DYNC2LI1: variants seen among roughly 807,000 people sequenced by gnomAD.
DYNC2LI1 encodes the protein cytoplasmic dynein 2 light intermediate chain 1.
Under a neutral mutation model 51.9 loss-of-function variants are expected in DYNC2LI1, and 45 were observed. The observed-to-expected ratio is 0.87, with a 90% CI of 0.68 to 1.11. DYNC2LI1 has a LOEUF of 1.11. Among genes scored for constraint, DYNC2LI1 ranks in the 50% most tolerant of loss-of-function variants. The probability of loss-of-function intolerance (pLI) is 0.00; values close to 1 mark genes in which losing one functional copy is unlikely to be tolerated. For synonymous variants in DYNC2LI1, 130 were observed against 137.8 expected (o/e 0.94, Z 0.40); for missense variants, 490 against 417.4 (o/e 1.17, Z -1.51).
intron 2 of DYNC2LI1, among the ~76,000 whole-genome samples, chr2:43,778,408 C>T (rs940596132): frequency 1.3e-5 from 2 of 152,152 alleles, no homozygotes; most frequent in African/African-American, 4.8e-5. Flanking sequence ...CCCATCTCAG[C>T]CTCCTAGAAT....
At position 43,801,627 on chromosome 2, in the gene DYNC2LI1, T is replaced by G. The variant is rs1181796561; in HGVS notation, c.732-12T>G. 3.1e-6 allele frequency: 5 copies of G among 1,600,432 alleles called. No homozygotes were observed. The highest frequency in any genetic ancestry group is 4.3e-6 in the Non-Finnish European group (5 of 1,171,886). ...GCTAAACTAATTTAGAATCTTTCTC[T>G]TCTCCACGTAGCAAATCAATATGTG... On this transcript the variant is annotated splice_polypyrimidine_tract_variant and intron_variant, in intron 9 of 12. Transcript: ENST00000260605.
chr2:43,811,946 A>G (rs1475765769), downstream of DYNC2LI1, among the ~76,000 whole-genome samples: 3 of 152,232 alleles, frequency 2.0e-5, no homozygotes, highest in Admixed American at 2.0e-4. Flanking sequence ...AAAATATGTA[A>G]TACAGGTGTC....
chr2:43,792,969 A>C, intron 5 of DYNC2LI1: 1 of 579,620 alleles, frequency 1.7e-6, no homozygotes, highest in Non-Finnish European at 2.7e-6. Flanking sequence ...ACATTGGTGT[A>C]CATTATCTGT....
intron 3 of DYNC2LI1, among the ~76,000 whole-genome samples, 196 bp from the exon 4 acceptor site, chr2:43,786,985 T>C (rs1673552652): frequency 6.6e-6 from 1 of 152,234 alleles, no homozygotes; most frequent in South Asian, 2.1e-4. Flanking sequence ...CACATGCATG[T>C]GCTGTTAAAA....
chr2:43,794,902 A>G, intron 6 of DYNC2LI1: 2 of 1,379,224 alleles, frequency 1.5e-6, no homozygotes, highest in East Asian at 2.6e-5. Context: ...ATAGAGTTTT[A>G]AAGTAGTGGT....
the DYNC2LI1 span, among the ~76,000 whole-genome samples, chr2:43,815,060 C>T: frequency 6.6e-6 from 1 of 152,190 alleles, no homozygotes; most frequent in African/African-American, 2.4e-5. Flanking sequence ...CAAGAAAATA[C>T]AGACCTAACA....
At chr2:43,813,657 C>T (rs1666606295), downstream of DYNC2LI1, among the ~76,000 whole-genome samples, 1 of 134,844 alleles carries the variant, frequency 7.4e-6, no homozygotes, top group African/African-American at 2.8e-5. Flanking sequence ...TGGAGTGGCC[C>T]TGAGATTTTT....
intron 5 of DYNC2LI1, among the ~76,000 whole-genome samples, chr2:43,790,100 G>C (rs1438253173): frequency 6.6e-6 from 1 of 152,166 alleles, no homozygotes; most frequent in African/African-American, 2.4e-5. Flanking sequence ...TTCTTCAGCT[G>C]AGTATTATAA....
the DYNC2LI1 span, among the ~76,000 whole-genome samples, chr2:43,816,018 G>T: frequency 6.6e-6 from 1 of 152,114 alleles, no homozygotes; most frequent in Non-Finnish European, 1.5e-5. Context: ...AGTGGCTAGG[G>T]TGCTATCTTT....
chr2:43,813,945 T>G (rs554417075), downstream of DYNC2LI1, among the ~76,000 whole-genome samples: 164 of 152,038 alleles, frequency 1.1e-3, no homozygotes, highest in African/African-American at 3.6e-3. Context: ...TCTCGAACTC[T>G]TGACCTCAAG....
the DYNC2LI1 span, among the ~76,000 whole-genome samples, chr2:43,815,910 G>GAAAAA: frequency 1.9e-5 from 2 of 104,070 alleles, no homozygotes; most frequent in East Asian, 3.5e-4. Flanking sequence ...AACAGGAAAA[G>GAAAAA]AAAAAAAAAA....
At chr2:43,813,724 T>G (rs1666632499), downstream of DYNC2LI1, among the ~76,000 whole-genome samples, 3 of 132,964 alleles carry the variant, frequency 2.3e-5, no homozygotes, top group Non-Finnish European at 4.8e-5. Flanking sequence ...TTTTTTTTTT[T>G]TTTTTTTTTT....
At position 43,802,825 on chromosome 2, in the gene DYNC2LI1, A is replaced by G. The variant is rs184047561; in HGVS notation, c.802+1116A>G. On this transcript the variant is annotated intron_variant, in intron 10 of 12. Transcript: ENST00000260605. The stretch of plus-strand genomic sequence containing the variant: ...TTAGAATATATAAACTCAACAGAAA[A>G]ATAAATAATCCAATTAGAAAGTGGG... Among the ~76,000 whole-genome samples, 4 of 152,316 alleles carry G rather than the reference A, an allele frequency of 2.6e-5. No homozygotes were observed. The East Asian group carries it at 7.7e-4, about 29-fold the overall frequency.
downstream of DYNC2LI1, among the ~76,000 whole-genome samples, chr2:43,812,186 G>C (rs1015687825): frequency 4.6e-5 from 7 of 152,036 alleles, no homozygotes; most frequent in Non-Finnish European, 1.0e-4. Context: ...GAGCAGCTGG[G>C]ATTACAGATG....
chr2:43,818,493 C>T, the DYNC2LI1 span, among the ~76,000 whole-genome samples: 1 of 152,110 alleles, frequency 6.6e-6, no homozygotes, highest in Non-Finnish European at 1.5e-5. Flanking sequence ...ACGAGTATCA[C>T]TTTCTCAAAA....
At chr2:43,802,884 G>A (rs80030331) in intron 10 of DYNC2LI1, among the ~76,000 whole-genome samples, 5 of 152,140 alleles carry the variant, frequency 3.3e-5, no homozygotes, top group African/African-American at 1.2e-4. Context: ...ATTTCAGAGA[G>A]GACATAAACA....
intron 6 of DYNC2LI1, among the ~76,000 whole-genome samples, chr2:43,795,403 C>G (rs530035624): frequency 1.3e-5 from 2 of 152,008 alleles, no homozygotes; most frequent in African/African-American, 4.8e-5. Flanking sequence ...ACTTGGGAGG[C>G]TGAGGCAGGA....
At chr2:43,791,596 T>G (rs976350171) in intron 5 of DYNC2LI1, among the ~76,000 whole-genome samples, 3 of 152,166 alleles carry the variant, frequency 2.0e-5, no homozygotes, top group African/African-American at 4.8e-5. Context: ...AGTAGGTTGC[T>G]GGGTGGTTAA....
the DYNC2LI1 span, among the ~76,000 whole-genome samples, chr2:43,818,161 C>T: frequency 6.6e-6 from 1 of 152,058 alleles, no homozygotes; most frequent in Admixed American, 6.6e-5. Context: ...ACTCAAAATA[C>T]AGTTTCTAGG....
Sources: allele counts gnomAD v4.1 joint callset (sites outside exome capture counted in the v4.1 genomes callset), GRCh38; gene constraint gnomAD v4.1.1; transcripts MANE v1.5; gene names NCBI Gene and HGNC (gene_info 2026-07-23, HGNC 2026-07-21).